STAB2: variants seen among roughly 807,000 people sequenced by gnomAD.
STAB2 encodes stabilin 2, also known as stabilin-2.
STAB2 carries 288 observed loss-of-function variants against 338.1 expected under a neutral mutation model. That is an observed-to-expected ratio of 0.85 (90% CI 0.77 to 0.94). STAB2 has a LOEUF of 0.94. Among genes scored for constraint, STAB2 ranks in the 40% least tolerant of loss-of-function variants. The probability of loss-of-function intolerance (pLI) is 0.00; values close to 1 mark genes in which losing one functional copy is unlikely to be tolerated. For synonymous variants in STAB2, 1,202 were observed against 1,193.3 expected (o/e 1.01, Z -0.15); for missense variants, 3,141 against 3,210.1 (o/e 0.98, Z 0.52).
chr12:103,712,078 T>G (rs1358449071), intron 40 of STAB2, among the ~76,000 whole-genome samples: 1 of 152,236 alleles, frequency 6.6e-6, no homozygotes, highest in African/African-American at 2.4e-5. Context: ...ACATGAAACA[T>G]GGCTCCTAGC....
At chr12:103,721,483 T>G (rs1880758715) in intron 44 of STAB2, among the ~76,000 whole-genome samples, 1 of 152,146 alleles carries the variant, frequency 6.6e-6, no homozygotes, top group Non-Finnish European at 1.5e-5. Flanking sequence ...AGCTTATATT[T>G]TTTTCCAGTT....
At chr12:103,676,812 C>A (rs1481266770) in intron 24 of STAB2, among the ~76,000 whole-genome samples, 1 of 152,200 alleles carries the variant, frequency 6.6e-6, no homozygotes, top group Non-Finnish European at 1.5e-5. Context: ...GCCAGAGTGG[C>A]TTGAAGTGAA....
rs1388128582 is a variant in STAB2, at chr12:103,715,880, C to T, written c.4603C>T (p.Pro1535Ser). ...DKNAECTQTG[P>S]NQAACNCLPA... is the part of the protein sequence containing the mutation. ...GAATGCGGAGTGCACACAGACAGGA[C>T]CCAACCAGGTGAGTGCCACCTCTCC... Residue 1535 changes from proline to serine, a missense_variant, in exon 43 of 69, where the codon CCC (proline) becomes TCC (serine). Coordinates refer to ENST00000388887, the MANE Select transcript of STAB2 (RefSeq NM_017564.10). 6.2e-7 allele frequency: 1 copy of T among 1,613,990 alleles called. No individual in the cohort carries two copies. The highest frequency in any genetic ancestry group is 8.5e-7 in the Non-Finnish European group (1 of 1,179,930).
At chr12:103,620,617 C>A in intron 4 of STAB2, 64 bp downstream of exon 4, 1 of 1,280,932 alleles carries the variant, frequency 7.8e-7, no homozygotes, top group Non-Finnish European at 1.1e-6. Context: ...CCTGTTGATC[C>A]TCCTTAAACA....
Position 103,668,536 on chromosome 12 carries a change from T to G in STAB2, c.2086-107T>G, listed in dbSNP as rs897322613. On this transcript the variant is annotated intron_variant, in intron 19 of 68. Transcript: ENST00000388887. ...TGTGGTCCAGCACTCTCTCCTGACG[T>G]CAGTGGTGAAATGGAAGTACAATGG... 3.0e-6 allele frequency: 3 copies of G among 1,007,976 alleles called. No homozygotes were observed. In the African/African-American group the frequency reaches 4.8e-5, roughly 16 times the overall value. 62.4% of individuals were successfully genotyped at this position (1,007,976 alleles called of 1,614,324 possible).
In STAB2 at chr12:103,758,134, G is replaced by A. The variant is rs762749134; in HGVS notation, c.6988-36G>A. 3.1e-6 allele frequency: 5 copies of A among 1,613,288 alleles called. 1 individual carries two copies. The South Asian group carries it at 3.3e-5, about 11-fold the overall frequency. ...AGCCACCCAGGTCCCTGCACACCAG[G>A]GCTGGCCCCTCTGATGACTTCCTTC... On this transcript the variant is annotated intron_variant, in intron 63 of 68. Coordinates refer to ENST00000388887, the MANE Select transcript of STAB2 (RefSeq NM_017564.10).
chr12:103,736,727 T>G (rs1566060989), intron 52 of STAB2, among the ~76,000 whole-genome samples: 1 of 152,132 alleles, frequency 6.6e-6, no homozygotes, highest in Non-Finnish European at 1.5e-5. Context: ...TTCAGTGACT[T>G]GCCCATAGTC....
At chr12:103,714,079 A>G (rs1032307741) in intron 42 of STAB2, among the ~76,000 whole-genome samples, 8 of 152,258 alleles carry the variant, frequency 5.3e-5, no homozygotes, top group African/African-American at 1.9e-4. Flanking sequence ...AAAAGAAAGC[A>G]CATGTACTGG....
rs180990732 is a variant in STAB2, at chr12:103,750,900, G to A, written c.6580+180G>A. Among the ~76,000 whole-genome samples the A allele has an allele frequency of 5.3e-3, 812 of 152,330 alleles. 37 individuals carry two copies. The highest frequency in any genetic ancestry group is 0.049 in the Admixed American group (756 of 15,300). ...GAGGTCAGGAGTTGGAGACCAGCCCGGCCAACATGGCAAAACCCCATCTCT... is the reference window on the plus strand; with the variant it reads ...GAGGTCAGGAGTTGGAGACCAGCCCAGCCAACATGGCAAAACCCCATCTCT... On this transcript the variant is annotated intron_variant, in intron 60 of 68. Coordinates refer to ENST00000388887, the MANE Select transcript of STAB2 (RefSeq NM_017564.10).
intron 6 of STAB2, among the ~76,000 whole-genome samples, chr12:103,633,965 C>T (rs1235542871): frequency 1.3e-5 from 2 of 151,978 alleles, no homozygotes; most frequent in Non-Finnish European, 2.9e-5. Flanking sequence ...AGAATTTACC[C>T]CGGGAGAGGA....
chr12:103,654,358 C>A (rs1279520676), intron 12 of STAB2, among the ~76,000 whole-genome samples, 197 bp from the exon 13 acceptor site: 2 of 152,198 alleles, frequency 1.3e-5, no homozygotes, highest in Non-Finnish European at 2.9e-5. Context: ...CACATCATAT[C>A]ATTTGATCTT....
intron 24 of STAB2, among the ~76,000 whole-genome samples, chr12:103,676,686 T>C (rs1876405138): frequency 6.6e-6 from 1 of 152,114 alleles, no homozygotes. Flanking sequence ...TTTCACTAAT[T>C]CCCTTCAATG....
At chr12:103,712,501 A>T in intron 41 of STAB2, 58 bp downstream of exon 41, 1 of 1,366,186 alleles carries the variant, frequency 7.3e-7, no homozygotes, top group South Asian at 1.2e-5. Context: ...GGCTATTGAG[A>T]GGTTCTTGTT....
chr12:103,740,878 C>T (rs1475509635), intron 55 of STAB2, 122 bp downstream of exon 55: 6 of 1,353,724 alleles, frequency 4.4e-6, no homozygotes, highest in Non-Finnish European at 5.9e-6. Context: ...TAATGATTCC[C>T]AGACCCCAGA....
chr12:103,701,131 A>G (rs943894113), intron 34 of STAB2, among the ~76,000 whole-genome samples: 2 of 151,418 alleles, frequency 1.3e-5, no homozygotes, highest in African/African-American at 4.9e-5. Flanking sequence ...GCGATAGTTT[A>G]CTGACAATGA....
At chr12:103,663,388 C>A (rs1441708617) in intron 18 of STAB2, among the ~76,000 whole-genome samples, 3 of 124,598 alleles carry the variant, frequency 2.4e-5, no homozygotes, top group Non-Finnish European at 3.4e-5. Context: ...TCTTTCCTTG[C>A]CTCCTTCTGG....
intron 44 of STAB2, among the ~76,000 whole-genome samples, chr12:103,724,048 C>T (rs774368259): frequency 1.8e-4 from 27 of 151,926 alleles, no homozygotes; most frequent in Admixed American, 5.2e-4. Context: ...CTGCCACGGA[C>T]GGCAACATCA....
intron 18 of STAB2, 114 bp from the exon 19 acceptor site, chr12:103,666,177 A>G: frequency 1.9e-6 from 2 of 1,031,192 alleles, no homozygotes; most frequent in Admixed American, 1.8e-5. Flanking sequence ...GGCCAGGATC[A>G]TGGCTCAGTG....
chr12:103,699,478 A>G (rs910091739), intron 34 of STAB2, among the ~76,000 whole-genome samples: 11 of 152,226 alleles, frequency 7.2e-5, no homozygotes, highest in African/African-American at 2.4e-4. Context: ...CATGGATGGC[A>G]GCAGGCAAAA....
Sources: gnomAD v4.1 joint callset for allele counts (sites outside exome capture counted in the v4.1 genomes callset) on GRCh38, gnomAD v4.1.1 for gene constraint, MANE v1.5 for transcripts, NCBI Gene and HGNC (gene_info 2026-07-23, HGNC 2026-07-21) for gene names.